The following RFX3 variants were observed in gnomAD, a reference collection of about 807,000 sequenced individuals.
RFX3 encodes the protein transcription factor RFX3.
In RFX3, 14 loss-of-function variants were observed where a neutral mutation model predicts 98.6. That is an observed-to-expected ratio of 0.14 (90% CI 0.09 to 0.22). RFX3 has a LOEUF of 0.22. Among genes scored for constraint, RFX3 ranks in the 10% least tolerant of loss-of-function variants. The pLI is 1.00. For missense variants in RFX3, 639 were observed against 926.9 expected (o/e 0.69, Z 4.03); for synonymous variants, 383 against 328.4 (o/e 1.17, Z -1.80).
chr9:3,516,081 C>T (rs1818132531), intron 1 of RFX3, among the ~76,000 whole-genome samples: 1 of 151,860 alleles, frequency 6.6e-6, no homozygotes, highest in African/African-American at 2.4e-5. Flanking sequence ...TGGAGTCTTG[C>T]TCTGTTGCCC....
intron 1 of RFX3, among the ~76,000 whole-genome samples, chr9:3,412,964 A>G (rs191868349): frequency 1.3e-5 from 2 of 152,252 alleles, no homozygotes; most frequent in African/African-American, 4.8e-5. Flanking sequence ...TAAGATTCTA[A>G]TATGTTTTAT....
intron 2 of RFX3, among the ~76,000 whole-genome samples, chr9:3,366,730 CTT>C (rs1386981250): frequency 1.0e-5 from 1 of 95,448 alleles, no homozygotes; most frequent in African/African-American, 4.2e-5. Flanking sequence ...TTCTTTCTTT[CTT>C]TCTTTCTTTC....
At chr9:3,303,707 T>A (rs1373476542) in intron 4 of RFX3, among the ~76,000 whole-genome samples, 1 of 151,898 alleles carries the variant, frequency 6.6e-6, no homozygotes, top group Non-Finnish European at 1.5e-5. Flanking sequence ...ATAGTGGTCC[T>A]AGATTTCCAG....
chr9:3,361,319 GCCCAGTAAAA>G (rs1836404103), intron 2 of RFX3, among the ~76,000 whole-genome samples: 1 of 152,002 alleles, frequency 6.6e-6, no homozygotes, highest in Admixed American at 6.6e-5. Flanking sequence ...GGTATTTCTG[GCCCAGTAAAA>G]CCACAGGGAA....
chr9:3,347,251 G>A (rs1026282807), intron 2 of RFX3, among the ~76,000 whole-genome samples: 1 of 151,990 alleles, frequency 6.6e-6, no homozygotes, highest in African/African-American at 2.4e-5. Context: ...AACCTGGGAG[G>A]CAGAGGTTGC....
intron 1 of RFX3, chr9:3,488,875 C>T (rs1850498638): frequency 1.0e-6 from 1 of 984,750 alleles, no homozygotes; most frequent in Admixed American, 6.2e-5. Flanking sequence ...CCCAAAGAAA[C>T]TAGAGTATCC....
intron 6 of RFX3, among the ~76,000 whole-genome samples, chr9:3,290,633 T>A (rs1672677056): frequency 6.6e-6 from 1 of 152,204 alleles, no homozygotes; most frequent in African/African-American, 2.4e-5. Context: ...ATTCCTTTAG[T>A]GTGAATAGAC....
At chr9:3,347,426 T>C (rs903569634) in intron 2 of RFX3, among the ~76,000 whole-genome samples, 1 of 152,022 alleles carries the variant, frequency 6.6e-6, no homozygotes, top group Non-Finnish European at 1.5e-5. Flanking sequence ...TAATAGAAAA[T>C]TTCAAACACT....
At chr9:3,476,692 A>G (rs969955324) in intron 1 of RFX3, among the ~76,000 whole-genome samples, 1 of 152,254 alleles carries the variant, frequency 6.6e-6, no homozygotes, top group African/African-American at 2.4e-5. Flanking sequence ...CAACTTTATA[A>G]GAATTGCTTT....
chr9:3,345,598 A>G (rs569391994), intron 3 of RFX3, among the ~76,000 whole-genome samples: 29 of 152,306 alleles, frequency 1.9e-4, no homozygotes, highest in African/African-American at 7.0e-4. Flanking sequence ...CAAAAACCCA[A>G]TAAGAGTGAA....
At chr9:3,272,876 A>G (rs776476818) in intron 9 of RFX3, among the ~76,000 whole-genome samples, 8 of 152,154 alleles carry the variant, frequency 5.3e-5, no homozygotes, top group Non-Finnish European at 1.2e-4. Context: ...TCCCAATAAC[A>G]GGCAAAGTAG....
At chr9:3,279,303 C>A (rs543499004) in intron 7 of RFX3, among the ~76,000 whole-genome samples, 2 of 151,786 alleles carry the variant, frequency 1.3e-5, no homozygotes, top group South Asian at 4.2e-4. Flanking sequence ...AATTGTGTCT[C>A]ATTAATAAAA....
intron 2 of RFX3, among the ~76,000 whole-genome samples, chr9:3,352,787 G>A (rs1307303444): frequency 6.6e-6 from 1 of 152,080 alleles, no homozygotes; most frequent in African/African-American, 2.4e-5. Flanking sequence ...CCTGGGTTCT[G>A]ACCTAGAACC....
At chr9:3,335,331 A>T (rs963224131) in intron 3 of RFX3, among the ~76,000 whole-genome samples, 16 of 152,248 alleles carry the variant, frequency 1.1e-4, no homozygotes, top group Admixed American at 3.3e-4. Context: ...AAGAAGCACC[A>T]ACGGCAAAAA....
At chr9:3,275,330 C>G (rs1286693127) in intron 9 of RFX3, 170 bp downstream of exon 9, 1 of 459,096 alleles carries the variant, frequency 2.2e-6, no homozygotes, top group Non-Finnish European at 3.9e-6. Flanking sequence ...CCTCATCTCT[C>G]CACTCTGAGA....
At chr9:3,441,538 T>C (rs369870969) in intron 1 of RFX3, among the ~76,000 whole-genome samples, 1 of 152,228 alleles carries the variant, frequency 6.6e-6, no homozygotes, top group African/African-American at 2.4e-5. Context: ...CTCGGGCATC[T>C]TGTAGTATCA....
At chr9:3,429,128 T>C (rs923127771) in intron 1 of RFX3, among the ~76,000 whole-genome samples, 1 of 150,900 alleles carries the variant, frequency 6.6e-6, no homozygotes, top group Admixed American at 6.6e-5. Context: ...GTTCATGCCA[T>C]TCTCCTGCCT....
At chr9:3,346,457 T>C (rs1834450485) in intron 3 of RFX3, among the ~76,000 whole-genome samples, 1 of 152,194 alleles carries the variant, frequency 6.6e-6, no homozygotes, top group African/African-American at 2.4e-5. Flanking sequence ...TAATTTAAAA[T>C]ATCCTATGGG....
At chr9:3,514,211 G>T (rs1817918206) in intron 1 of RFX3, among the ~76,000 whole-genome samples, 1 of 152,120 alleles carries the variant, frequency 6.6e-6, no homozygotes, top group African/African-American at 2.4e-5. Context: ...CAAGAAAATA[G>T]CACTAAGGTG....
Sources: allele counts gnomAD v4.1 joint callset (sites outside exome capture counted in the v4.1 genomes callset), GRCh38; gene constraint gnomAD v4.1.1; transcripts MANE v1.5; gene names NCBI Gene and HGNC (gene_info 2026-07-23, HGNC 2026-07-21).